The following NRXN3 variants were observed in gnomAD, a reference collection of about 807,000 sequenced individuals.
NRXN3 encodes the protein neurexin 3, also known as neurexin III.
NRXN3 carries 32 observed loss-of-function variants against 137.6 expected under a neutral mutation model. That is an observed-to-expected ratio of 0.23 (90% CI 0.18 to 0.31). NRXN3 has a LOEUF of 0.31. Among genes scored for constraint, NRXN3 ranks in the 10% least tolerant of loss-of-function variants. The pLI is 1.00. For missense variants in NRXN3, 1,574 were observed against 2,062.5 expected (o/e 0.76, Z 4.59); for synonymous variants, 798 against 784.5 (o/e 1.02, Z -0.29).
chr14:78,631,522 G>C (rs371172445), intron 4 of NRXN3, among the ~76,000 whole-genome samples: 3 of 152,146 alleles, frequency 2.0e-5, no homozygotes, highest in African/African-American at 7.2e-5. Flanking sequence ...TAGAATTTTG[G>C]TTTCATGGAT....
chr14:79,691,664 CCT>C (rs1243896913), intron 17 of NRXN3, among the ~76,000 whole-genome samples: 2 of 152,018 alleles, frequency 1.3e-5, no homozygotes, highest in African/African-American at 2.4e-5. Flanking sequence ...CCTCCTTTCC[CCT>C]GTCGGAACAT....
At chr14:79,491,663 G>C in intron 16 of NRXN3, among the ~76,000 whole-genome samples, 1 of 151,998 alleles carries the variant, frequency 6.6e-6, no homozygotes, top group East Asian at 1.9e-4. Flanking sequence ...AAGTGTGTGT[G>C]TGTGTGTGAG....
At chr14:78,984,795 G>C (rs1010875100) in intron 14 of NRXN3, among the ~76,000 whole-genome samples, 1 of 152,164 alleles carries the variant, frequency 6.6e-6, no homozygotes, top group Non-Finnish European at 1.5e-5. Flanking sequence ...CATTGTGTTA[G>C]GAACTAAAAA....
chr14:79,579,368 A>AAT (rs1177019217), intron 16 of NRXN3, among the ~76,000 whole-genome samples: 29 of 137,510 alleles, frequency 2.1e-4, no homozygotes, highest in Middle Eastern at 3.7e-3. Context: ...ATATATATAT[A>AAT]ATATATATAT....
At chr14:78,630,110 C>T (rs1247550663) in intron 4 of NRXN3, among the ~76,000 whole-genome samples, 2 of 152,214 alleles carry the variant, frequency 1.3e-5, no homozygotes, top group South Asian at 4.1e-4. Context: ...ACTAAAAGTC[C>T]TAGTGAACTT....
intron 15 of NRXN3, among the ~76,000 whole-genome samples, chr14:79,021,322 C>T (rs942111810): frequency 2.0e-5 from 3 of 152,088 alleles, no homozygotes; most frequent in Non-Finnish European, 4.4e-5. Context: ...CAAGAGCCAG[C>T]AGAACAATAC....
chr14:79,341,886 T>C (rs559376102), intron 15 of NRXN3, among the ~76,000 whole-genome samples: 1 of 152,162 alleles, frequency 6.6e-6, no homozygotes, highest in Non-Finnish European at 1.5e-5. Context: ...AATGCCGTGA[T>C]CAATTGCAAG....
chr14:79,846,504 A>G (rs995495206), intron 20 of NRXN3, among the ~76,000 whole-genome samples: 2 of 152,206 alleles, frequency 1.3e-5, no homozygotes, highest in Non-Finnish European at 2.9e-5. Context: ...AAACTTTCAG[A>G]CTTAAGAAGG....
chr14:78,821,193 T>G (rs1031021171), intron 10 of NRXN3, among the ~76,000 whole-genome samples: 5 of 152,094 alleles, frequency 3.3e-5, no homozygotes, highest in Non-Finnish European at 4.4e-5. Context: ...AACCGATGAA[T>G]AGGAGTGGAA....
chr14:79,128,366 A>T (rs2056898477), intron 15 of NRXN3, among the ~76,000 whole-genome samples: 1 of 147,868 alleles, frequency 6.8e-6, no homozygotes, highest in African/African-American at 2.5e-5. Flanking sequence ...TACCTAATTT[A>T]TTGAGAGTTT....
chr14:79,230,642 C>A (rs1396937267), intron 15 of NRXN3, among the ~76,000 whole-genome samples: 2 of 152,120 alleles, frequency 1.3e-5, no homozygotes, highest in Non-Finnish European at 2.9e-5. Flanking sequence ...CACAAAGGAG[C>A]ATTTCTTATT....
intron 4 of NRXN3, among the ~76,000 whole-genome samples, chr14:78,480,525 A>G (rs2095455235): frequency 6.6e-6 from 1 of 152,182 alleles, no homozygotes; most frequent in African/African-American, 2.4e-5. Context: ...GAAATAGTGG[A>G]TTGGAGAATA....
rs528063437 is a variant in NRXN3, at chr14:79,176,262, T to G, written c.3262+188121T>G. Among the ~76,000 whole-genome samples the G allele has an allele frequency of 1.9e-3, 289 of 152,368 alleles. 2 individuals carry two copies. Among genetic ancestry groups the G allele is most frequent in the Middle Eastern group, 3.4e-3 (1 of 294 alleles). On this transcript the variant is annotated intron_variant, in intron 15 of 20. Transcript: ENST00000335750. ...TTGAATGCAAATCTGATAATATTTT[T>G]TTCCTATGGTTTCCAGATAGCTTTA...
intron 4 of NRXN3, among the ~76,000 whole-genome samples, chr14:78,520,939 C>T (rs1195325306): frequency 2.6e-5 from 4 of 152,228 alleles, no homozygotes; most frequent in East Asian, 1.9e-4. Flanking sequence ...AAAAATAGCT[C>T]GGCATAGAAG....
intron 15 of NRXN3, among the ~76,000 whole-genome samples, chr14:78,997,645 G>A (rs1035330820): frequency 1.3e-5 from 2 of 152,042 alleles, no homozygotes; most frequent in South Asian, 4.2e-4. Context: ...TTTTAGGGAA[G>A]GAAGAGATCA....
At chr14:78,301,889 C>G (rs775860103) in intron 4 of NRXN3, among the ~76,000 whole-genome samples, 2 of 152,154 alleles carry the variant, frequency 1.3e-5, no homozygotes, top group Non-Finnish European at 2.9e-5. Flanking sequence ...TATGCTAATC[C>G]CAGGTGGCTT....
At position 78,702,462 on chromosome 14, in the gene NRXN3, T is replaced by TTTTTTTTTTTTG. The variant is rs2098294957; in HGVS notation, c.1222-6755_1222-6754insTTTTTTTTTTTG. ...TTTCTTTTTCTTTTCTTATTTTTTT[T>TTTTTTTTTTTTG]GAGATGGAGTCTCAGTCTGTCACCC... On this transcript the variant is annotated intron_variant, in intron 6 of 20. Transcript: ENST00000335750. 1.4e-5 allele frequency among the ~76,000 whole-genome samples: 2 copies of TTTTTTTTTTTTG among 145,138 alleles called. 1 individual carries two copies. The highest frequency in any genetic ancestry group is 3.0e-5 in the Non-Finnish European group (2 of 66,000).
chr14:79,638,170 G>T (rs2098415425), intron 16 of NRXN3, among the ~76,000 whole-genome samples: 1 of 152,196 alleles, frequency 6.6e-6, no homozygotes, highest in South Asian at 2.1e-4. Context: ...CTAGCCTGTG[G>T]TTTATAACAT....
chr14:78,988,409 C>T (rs1321758876), intron 15 of NRXN3: 5 of 417,022 alleles, frequency 1.2e-5, no homozygotes, highest in Non-Finnish European at 2.2e-5. Context: ...ATAACCACAG[C>T]AGCAAACCAT....
Sources: allele counts gnomAD v4.1 joint callset (sites outside exome capture counted in the v4.1 genomes callset), GRCh38; gene constraint gnomAD v4.1.1; transcripts MANE v1.5; gene names NCBI Gene and HGNC (gene_info 2026-07-23, HGNC 2026-07-21).